The following CACNA1E variants were observed in gnomAD, a reference collection of about 807,000 sequenced individuals.
The protein encoded by CACNA1E is voltage-dependent R-type calcium channel subunit alpha-1E.
A neutral mutation model predicts 259.2 loss-of-function variants in CACNA1E; 40 were observed. The ratio of observed to expected loss-of-function variants is 0.15; its 90% CI spans 0.12 to 0.20. The LOEUF (loss-of-function observed/expected upper bound fraction) is 0.20. Ranked by LOEUF, CACNA1E falls within the 10% of genes least tolerant of loss-of-function variation. The probability of loss-of-function intolerance (pLI) is 1.00; values close to 1 mark genes in which losing one functional copy is unlikely to be tolerated. For synonymous variants in CACNA1E, 1,104 were observed against 1,138.5 expected, an observed-to-expected ratio of 0.97 and a Z score of 0.61; for missense variants, 1,874 against 3,040.1, an observed-to-expected ratio of 0.62 and a Z score of 9.02.
chr1:181,417,738 G>A (rs1035473961), intron 2 of CACNA1E, among the ~76,000 whole-genome samples: 2 of 152,104 alleles, frequency 1.3e-5, no homozygotes, highest in African/African-American at 4.8e-5. Context: ...TTTCCTGCCA[G>A]CTCGCTCCTA....
chr1:181,790,700 C>G (rs1009668624), intron 44 of CACNA1E, 144 bp downstream of exon 44: 1 of 635,500 alleles, frequency 1.6e-6, no homozygotes, highest in African/African-American at 1.8e-5. Context: ...TGCCTTAGCC[C>G]TTTTCTAGCC....
At chr1:181,505,179 T>C (rs1665601438) in intron 1 of CACNA1E, among the ~76,000 whole-genome samples, 1 of 152,234 alleles carries the variant, frequency 6.6e-6, no homozygotes, top group Non-Finnish European at 1.5e-5. Flanking sequence ...GGTTTTTGTG[T>C]TGATTTGTTC....
rs756020745 is a variant in CACNA1E at position 181,801,492 on chromosome 1, G to C, written c.*2658G>C. 51 of 152,260 alleles carry C rather than the reference G, an allele frequency of 3.3e-4. No individual in the cohort carries two copies. Among genetic ancestry groups the C allele is most frequent in the Admixed American group, 2.7e-3 (41 of 15,296 alleles). The allele number at this position is 152,260 out of a possible 1,614,324, so 9.4% of individuals were successfully genotyped here. ...GAATTTCTTTTATTCACCTTCCCTT[G>C]ACCAAGAAATTGGGTTTCTTTTCCC... is the stretch of plus-strand genomic sequence containing the variant. On this transcript the variant is annotated 3_prime_UTR_variant, in exon 48 of 48. Coordinates refer to ENST00000367573, the MANE Select transcript of CACNA1E (RefSeq NM_001205293.3).
At chr1:181,690,488 A>G (rs1397399471) in intron 7 of CACNA1E, among the ~76,000 whole-genome samples, 2 of 152,190 alleles carry the variant, frequency 1.3e-5, no homozygotes, top group South Asian at 2.1e-4. Context: ...TGTAATTTAA[A>G]GTAGTTTTTT....
At chr1:181,739,479 G>A (rs1656360726) in intron 25 of CACNA1E, among the ~76,000 whole-genome samples, 1 of 152,196 alleles carries the variant, frequency 6.6e-6, no homozygotes, top group Non-Finnish European at 1.5e-5. Flanking sequence ...GGAGCGTCAG[G>A]AGGGAGAAGT....
In CACNA1E at chr1:181,776,075, C is replaced by T. The variant is rs570076814; in HGVS notation, c.5140-26C>T. Reference sequence around the variant, plus strand: ...GAGCTCTGCTTTAGGTTTCCCCTAACCCCTCTTCTTCCCCTTGCCCTTCAG... The same window carrying T: ...GAGCTCTGCTTTAGGTTTCCCCTAATCCCTCTTCTTCCCCTTGCCCTTCAG... On this transcript the variant is annotated intron_variant, in intron 37 of 47. Transcript: ENST00000367573. The surrounding 1 kb of genome is among the most constrained non-coding windows in gnomAD (Gnocchi z 4.4). 26 of 1,604,834 alleles carry T rather than the reference C, an allele frequency of 1.6e-5. No individual in the cohort carries two copies. In the East Asian group the frequency reaches 4.9e-4, roughly 30 times the overall value.
intron 2 of CACNA1E, among the ~76,000 whole-genome samples, chr1:181,416,853 A>G (rs1658311238): frequency 6.6e-6 from 1 of 152,196 alleles, no homozygotes; most frequent in South Asian, 2.1e-4. Context: ...CATTCCAGGA[A>G]GAATGGGTTA....
At chr1:181,422,896 A>G (rs1216129220) in intron 2 of CACNA1E, among the ~76,000 whole-genome samples, 1 of 152,144 alleles carries the variant, frequency 6.6e-6, no homozygotes. Flanking sequence ...GCCTAGCAAC[A>G]TGGCTTTCTC....
At chr1:181,408,096 TG>T (rs1657595927) in intron 1 of CACNA1E, among the ~76,000 whole-genome samples, 1 of 152,204 alleles carries the variant, frequency 6.6e-6, no homozygotes, top group Admixed American at 6.5e-5. Flanking sequence ...ATGTGCTTGG[TG>T]GTCTATGCAG....
upstream of CACNA1E, among the ~76,000 whole-genome samples, chr1:181,478,933 G>A (rs976054029): frequency 6.6e-6 from 1 of 152,226 alleles, no homozygotes; most frequent in African/African-American, 2.4e-5. Flanking sequence ...CTACCTACCA[G>A]TCCCCTTCAC....
intron 7 of CACNA1E, among the ~76,000 whole-genome samples, chr1:181,708,726 C>G (rs1238767454): frequency 1.3e-5 from 2 of 152,198 alleles, no homozygotes; most frequent in African/African-American, 2.4e-5. Flanking sequence ...TACTTAAACT[C>G]CATCAAGTTG....
intron 2 of CACNA1E, among the ~76,000 whole-genome samples, chr1:181,464,822 C>T (rs1228304262): frequency 2.6e-5 from 4 of 152,072 alleles, no homozygotes; most frequent in East Asian, 1.9e-4. Flanking sequence ...TGACTTAGTC[C>T]GTGTTCCCTG....
chr1:181,342,972 G>A (rs1652284190), intron 1 of CACNA1E, among the ~76,000 whole-genome samples: 1 of 152,144 alleles, frequency 6.6e-6, no homozygotes, highest in African/African-American at 2.4e-5. Flanking sequence ...AGCCAGGGGA[G>A]AGGACTATCC....
chr1:181,678,778 C>G (rs1219020866), intron 7 of CACNA1E, among the ~76,000 whole-genome samples: 1 of 152,116 alleles, frequency 6.6e-6, no homozygotes, highest in African/African-American at 2.4e-5. Context: ...GTTTCTCCAC[C>G]TGGAAAGTGG....
chr1:181,645,698 A>G (rs1658203515), intron 6 of CACNA1E, among the ~76,000 whole-genome samples: 1 of 152,230 alleles, frequency 6.6e-6, no homozygotes, highest in African/African-American at 2.4e-5. Context: ...AGTTAAAGTT[A>G]CATTTGTGTG....
intron 6 of CACNA1E, among the ~76,000 whole-genome samples, chr1:181,602,763 G>C (rs1320730011): frequency 1.3e-5 from 2 of 152,140 alleles, no homozygotes; most frequent in Non-Finnish European, 2.9e-5. Flanking sequence ...TTAGCAAGTT[G>C]AACCATTTGC....
intron 1 of CACNA1E, among the ~76,000 whole-genome samples, chr1:181,366,141 C>A (rs937204504): frequency 6.6e-6 from 1 of 152,186 alleles, no homozygotes; most frequent in Non-Finnish European, 1.5e-5. Flanking sequence ...ACCTGGTTCT[C>A]ATTTGACTAT....
intron 6 of CACNA1E, among the ~76,000 whole-genome samples, chr1:181,581,391 G>T (rs1281165166): frequency 6.6e-6 from 1 of 152,174 alleles, no homozygotes; most frequent in East Asian, 1.9e-4. Context: ...TTAATTGTGA[G>T]ATTCACCAGG....
chr1:181,365,083 T>C (rs567387209), intron 1 of CACNA1E, among the ~76,000 whole-genome samples: 2 of 152,338 alleles, frequency 1.3e-5, no homozygotes, highest in African/African-American at 4.8e-5. Context: ...TGGGAGGTAG[T>C]GCTGGTTAAC....
Sources: gnomAD v4.1 joint callset for allele counts (sites outside exome capture counted in the v4.1 genomes callset) on GRCh38, gnomAD v4.1.1 for gene constraint, Gnocchi (gnomAD v3.1) non-coding constraint, MANE v1.5 for transcripts, NCBI Gene and HGNC (gene_info 2026-07-23, HGNC 2026-07-21) for gene names.